APBB2: variants seen among roughly 807,000 people sequenced by gnomAD.
APBB2 encodes amyloid beta precursor protein binding family B member 2.
Under a neutral mutation model 82.5 loss-of-function variants are expected in APBB2, and 38 were observed. The ratio of observed to expected loss-of-function variants is 0.46; its 90% CI spans 0.36 to 0.60. The LOEUF is 0.60. APBB2 is among the 20% of genes least tolerant of loss of function. The pLI, the probability that APBB2 is intolerant of heterozygous loss-of-function variation, is 0.00. For synonymous variants in APBB2, 341 were observed against 368.2 expected (o/e 0.93, Z 0.85); for missense variants, 772 against 972.3 (o/e 0.79, Z 2.74).
intron 4 of APBB2, among the ~76,000 whole-genome samples, chr4:41,043,918 C>T (rs982002816): frequency 2.6e-5 from 4 of 152,148 alleles, no homozygotes; most frequent in Non-Finnish European, 5.9e-5. Flanking sequence ...ATGTTTAACT[C>T]GTTTCTCCAA....
At chr4:40,982,426 A>G (rs1305950545) in intron 6 of APBB2, among the ~76,000 whole-genome samples, 1 of 129,486 alleles carries the variant, frequency 7.7e-6, no homozygotes, top group Admixed American at 7.7e-5. Flanking sequence ...AGAAAGAAAG[A>G]AAGAAAGAAA....
intron 12 of APBB2, among the ~76,000 whole-genome samples, chr4:40,862,279 G>A (rs887137237): frequency 6.6e-6 from 1 of 152,158 alleles, no homozygotes; most frequent in Admixed American, 6.5e-5. Context: ...TTTGCTCCTA[G>A]AGAACATGCT....
intron 17 of APBB2, among the ~76,000 whole-genome samples, chr4:40,820,979 C>T (rs1463585657): frequency 1.3e-5 from 2 of 152,134 alleles, no homozygotes; most frequent in African/African-American, 4.8e-5. Context: ...AGTGATTCTC[C>T]TGCCTCAGCC....
intron 5 of APBB2, among the ~76,000 whole-genome samples, chr4:41,026,824 T>C (rs920488059): frequency 2.6e-5 from 4 of 152,242 alleles, no homozygotes; most frequent in Admixed American, 1.3e-4. Flanking sequence ...ACTGACCCAA[T>C]AGTCCTACAG....
intron 6 of APBB2, among the ~76,000 whole-genome samples, chr4:40,957,148 A>G (rs1285613248): frequency 6.6e-6 from 1 of 152,258 alleles, no homozygotes; most frequent in Non-Finnish European, 1.5e-5. Flanking sequence ...AGCCGGGCAC[A>G]TAGTAATCAC....
chr4:40,922,378 C>A (rs547957663), intron 10 of APBB2, among the ~76,000 whole-genome samples: 2 of 152,332 alleles, frequency 1.3e-5, no homozygotes, highest in South Asian at 4.1e-4. Context: ...GAATCTACTG[C>A]AGACTGCTGT....
At chr4:40,867,005 C>T (rs1426893688) in intron 12 of APBB2, among the ~76,000 whole-genome samples, 1 of 152,198 alleles carries the variant, frequency 6.6e-6, no homozygotes, top group Admixed American at 6.5e-5. Context: ...ATCTGCCTGC[C>T]TCGGCCTCCC....
At chr4:41,022,278 T>A (rs576648621) in intron 5 of APBB2, among the ~76,000 whole-genome samples, 1 of 152,226 alleles carries the variant, frequency 6.6e-6, no homozygotes, top group Non-Finnish European at 1.5e-5. Flanking sequence ...TCCTCTGGGA[T>A]TGGGCCCAGT....
At chr4:40,861,177 CCT>C (rs750799443) in intron 12 of APBB2, among the ~76,000 whole-genome samples, 18 of 151,932 alleles carry the variant, frequency 1.2e-4, no homozygotes, top group Non-Finnish European at 2.4e-4. Context: ...ATGGTGGAAC[CCT>C]GTCTCTACTA....
chr4:40,996,043 A>T (rs1803551945), intron 6 of APBB2, among the ~76,000 whole-genome samples: 1 of 152,198 alleles, frequency 6.6e-6, no homozygotes, highest in African/African-American at 2.4e-5. Flanking sequence ...CACTGAGGTT[A>T]CATCTGTTGA....
At chr4:40,997,479 C>T (rs1472735955) in intron 6 of APBB2, among the ~76,000 whole-genome samples, 1 of 152,226 alleles carries the variant, frequency 6.6e-6, no homozygotes, top group East Asian at 1.9e-4. Context: ...CAGTTAAGTA[C>T]ATTAGCACAT....
rs569663020 is a variant in APBB2, at chr4:40,998,271, A to G, written c.835+15312T>C. The stretch of plus-strand genomic sequence containing the variant: ...ATATTGCATAATGAAATGTTTCAAC[A>G]TTTGGAAGATCTTCATAACTCACTG... On this transcript the variant is annotated intron_variant, in intron 6 of 17. Transcript: ENST00000508593. 5.9e-5 allele frequency among the ~76,000 whole-genome samples: 9 copies of G among 152,358 alleles called. No homozygotes were observed. The East Asian group carries it at 1.7e-3, about 29-fold the overall frequency.
intron 2 of APBB2, among the ~76,000 whole-genome samples, chr4:41,128,003 C>A (rs950566390): frequency 2.0e-5 from 3 of 152,008 alleles, no homozygotes; most frequent in African/African-American, 7.3e-5. Flanking sequence ...TCGCTTGAAC[C>A]CAGGAGGCGG....
intron 12 of APBB2, among the ~76,000 whole-genome samples, chr4:40,848,290 G>A (rs1288467208): frequency 3.3e-5 from 5 of 152,202 alleles, no homozygotes; most frequent in Admixed American, 6.5e-5. Context: ...GCGCACTGTC[G>A]CCAAGCCACA....
chr4:41,140,340 C>A (rs1758757395), intron 2 of APBB2, among the ~76,000 whole-genome samples: 1 of 152,200 alleles, frequency 6.6e-6, no homozygotes, highest in Non-Finnish European at 1.5e-5. Context: ...GGAAAGCCTT[C>A]CCTTCTTTTA....
intron 6 of APBB2, among the ~76,000 whole-genome samples, chr4:40,987,831 G>T (rs1800792218): frequency 6.6e-6 from 1 of 152,142 alleles, no homozygotes; most frequent in South Asian, 2.1e-4. Context: ...AGCATGTGTT[G>T]AATGGTCACC....
At chr4:41,123,818 CT>C (rs1378466311) in intron 2 of APBB2, among the ~76,000 whole-genome samples, 2 of 151,372 alleles carry the variant, frequency 1.3e-5, no homozygotes, top group Non-Finnish European at 2.9e-5. Context: ...AAGACTCTGT[CT>C]CACAAAAAAA....
At chr4:41,192,269 C>A (rs1318040616) in intron 1 of APBB2, among the ~76,000 whole-genome samples, 3 of 152,172 alleles carry the variant, frequency 2.0e-5, no homozygotes, top group Admixed American at 6.5e-5. Context: ...ACTATAGGAG[C>A]CAGCAATCCC....
At chr4:41,042,615 C>G (rs1001910251) in intron 4 of APBB2, among the ~76,000 whole-genome samples, 1 of 152,136 alleles carries the variant, frequency 6.6e-6, no homozygotes, top group African/African-American at 2.4e-5. Context: ...TAAGAATATG[C>G]CTAGGCCTGT....
Sources: gnomAD v4.1 joint callset for allele counts (sites outside exome capture counted in the v4.1 genomes callset) on GRCh38, gnomAD v4.1.1 for gene constraint, MANE v1.5 for transcripts, NCBI Gene and HGNC (gene_info 2026-07-23, HGNC 2026-07-21) for gene names.